The following CMTM8 variants were observed in gnomAD, a reference collection of about 807,000 sequenced individuals.
The protein encoded by CMTM8 is CKLF like MARVEL transmembrane domain containing 8.
Under a neutral mutation model 18.6 loss-of-function variants are expected in CMTM8, and 12 were observed. The ratio of observed to expected loss-of-function variants is 0.65; its 90% CI spans 0.41 to 1.05. CMTM8 has a LOEUF of 1.05. Ranked by LOEUF, CMTM8 falls within the 50% of genes least tolerant of loss-of-function variation. The pLI is 0.00. For synonymous variants in CMTM8, 87 were observed against 90.6 expected (o/e 0.96, Z 0.23); for missense variants, 217 against 227.2 (o/e 0.95, Z 0.29).
In CMTM8 at chr3:32,260,305, A is replaced by G. The variant is rs1040424374; in HGVS notation, c.147+21186A>G. 3.9e-5 allele frequency: 27 copies of G among 696,378 alleles called. No homozygotes were observed. The Admixed American group carries it at 4.6e-4, about 12-fold the overall frequency. 43.1% of individuals were successfully genotyped at this position (696,378 alleles called of 1,614,324 possible). A position where few individuals can be genotyped will look rare whatever the true frequency, so the allele number is the denominator to read the frequency against. On this transcript the variant is annotated intron_variant, in intron 1 of 3. Transcript: ENST00000307526. Reference sequence around the variant, plus strand: ...TCAGAGGTCATTGGAAAAAAAAAGTATTATCTCGCTAACAAAGCTAAATAT... The same window carrying G: ...TCAGAGGTCATTGGAAAAAAAAAGTGTTATCTCGCTAACAAAGCTAAATAT...
chr3:32,351,695 G>A (rs79305721), intron 1 of CMTM8, among the ~76,000 whole-genome samples: 1 of 150,570 alleles, frequency 6.6e-6, no homozygotes. Flanking sequence ...CTGGGCAACA[G>A]AGTGAGACCC....
intron 1 of CMTM8, chr3:32,259,134 G>A: frequency 2.4e-6 from 1 of 414,444 alleles, no homozygotes; most frequent in Non-Finnish European, 4.6e-6. Flanking sequence ...TGGGGTCCGG[G>A]GACCTGGCCG....
chr3:32,324,820 G>T (rs1314271971), intron 1 of CMTM8, among the ~76,000 whole-genome samples: 1 of 152,196 alleles, frequency 6.6e-6, no homozygotes, highest in East Asian at 1.9e-4. Context: ...GGAAAACAAA[G>T]ACCCAAGGAA....
At chr3:32,263,359 G>A (rs1702284848) in intron 1 of CMTM8, among the ~76,000 whole-genome samples, 1 of 152,178 alleles carries the variant, frequency 6.6e-6, no homozygotes, top group Non-Finnish European at 1.5e-5. Flanking sequence ...TGGACCTCCG[G>A]CAAACTCCAA....
At chr3:32,342,376 GTCC>G (rs1486072844) in intron 1 of CMTM8, among the ~76,000 whole-genome samples, 2 of 152,174 alleles carry the variant, frequency 1.3e-5, no homozygotes, top group Admixed American at 6.5e-5. Flanking sequence ...GGGTACATAG[GTCC>G]TCGATAAATA....
chr3:32,248,394 C>T (rs1702070244), intron 1 of CMTM8, among the ~76,000 whole-genome samples: 1 of 152,048 alleles, frequency 6.6e-6, no homozygotes, highest in South Asian at 2.1e-4. Context: ...CACAGTCTCA[C>T]TTTGTTGCCC....
At chr3:32,242,704 A>G (rs1701959369) in intron 1 of CMTM8, among the ~76,000 whole-genome samples, 1 of 152,158 alleles carries the variant, frequency 6.6e-6, no homozygotes, top group Non-Finnish European at 1.5e-5. Context: ...TCTTTTTCCC[A>G]GAGATCTAAA....
At chr3:32,348,643 C>G (rs1696648161) in intron 1 of CMTM8, among the ~76,000 whole-genome samples, 1 of 149,824 alleles carries the variant, frequency 6.7e-6, no homozygotes, top group Admixed American at 6.8e-5. Flanking sequence ...GGACTACAGG[C>G]ACGTGCCATC....
intron 1 of CMTM8, among the ~76,000 whole-genome samples, chr3:32,295,037 A>C: frequency 6.6e-6 from 1 of 152,186 alleles, no homozygotes; most frequent in East Asian, 1.9e-4. Context: ...CCTGGGTGAC[A>C]GAGCAAGACT....
At chr3:32,324,037 G>A (rs184885560) in intron 1 of CMTM8, among the ~76,000 whole-genome samples, 14 of 152,340 alleles carry the variant, frequency 9.2e-5, no homozygotes, top group African/African-American at 3.1e-4. Flanking sequence ...ATCTGTTAAA[G>A]TGAATTTGGG....
intron 1 of CMTM8, among the ~76,000 whole-genome samples, chr3:32,301,135 T>C (rs1695605485): frequency 6.6e-6 from 1 of 152,176 alleles, no homozygotes; most frequent in Non-Finnish European, 1.5e-5. Context: ...GGGGTACTGC[T>C]ATATGCCAGG....
chr3:32,366,430 T>C (rs73827203), intron 2 of CMTM8, among the ~76,000 whole-genome samples: 10,656 of 152,184 alleles, frequency 0.07, 550 homozygotes, highest in African/African-American at 0.15. Context: ...GCCCAGGACG[T>C]CAGGGCAGTT....
Position 32,359,299 on chromosome 3 carries a change from C to T in CMTM8, c.321+1753C>T, listed in dbSNP as rs546419314. Among the ~76,000 whole-genome samples the T allele has an allele frequency of 3.3e-5, 5 of 152,284 alleles. No individual in the cohort carries two copies. In the South Asian group the frequency reaches 8.3e-4, roughly 25 times the overall value. On this transcript the variant is annotated intron_variant, in intron 2 of 3. Coordinates refer to ENST00000307526, the MANE Select transcript of CMTM8 (RefSeq NM_178868.5). Reference sequence around the variant, plus strand: ...TGAGCATGGCTGTGTTCCAGTAAAACTTTATTTACAAAAACTGGTGGTGGC... The same window carrying T: ...TGAGCATGGCTGTGTTCCAGTAAAATTTTATTTACAAAAACTGGTGGTGGC...
chr3:32,265,210 ACTC>A (rs1302465632), intron 1 of CMTM8, among the ~76,000 whole-genome samples: 1 of 152,180 alleles, frequency 6.6e-6, no homozygotes, highest in Non-Finnish European at 1.5e-5. Context: ...GAAGTAAAGC[ACTC>A]CTCAGCAAAT....
At chr3:32,291,266 C>G (rs1702775816) in intron 1 of CMTM8, among the ~76,000 whole-genome samples, 1 of 151,968 alleles carries the variant, frequency 6.6e-6, no homozygotes, top group Non-Finnish European at 1.5e-5. Flanking sequence ...GTAGCTGGGA[C>G]TACAGGTGCC....
intron 1 of CMTM8, among the ~76,000 whole-genome samples, chr3:32,256,566 G>A (rs1702176477): frequency 6.6e-6 from 1 of 152,184 alleles, no homozygotes; most frequent in Non-Finnish European, 1.5e-5. Context: ...ATAAATTGTA[G>A]GTGAAATGGG....
In CMTM8 at chr3:32,262,977, T is replaced by C. The variant is rs555680284; in HGVS notation, c.147+23858T>C. 5.3e-5 allele frequency among the ~76,000 whole-genome samples: 8 copies of C among 151,620 alleles called. No individual in the cohort carries two copies. The East Asian group carries it at 1.5e-3, about 29-fold the overall frequency. On this transcript the variant is annotated intron_variant, in intron 1 of 3. Coordinates refer to ENST00000307526, the MANE Select transcript of CMTM8 (RefSeq NM_178868.5). ...AACTAAAGAAAGCTTAAAAGCTATA[T>C]TAAAAACCACAGAGCAGGGCAGTTC...
intron 1 of CMTM8, among the ~76,000 whole-genome samples, chr3:32,266,265 T>A (rs1244872193): frequency 6.6e-6 from 1 of 152,230 alleles, no homozygotes. Context: ...CATGATCAAG[T>A]GGGCTTCATC....
chr3:32,331,175 C>T (rs549200627), intron 1 of CMTM8, among the ~76,000 whole-genome samples: 2 of 152,166 alleles, frequency 1.3e-5, no homozygotes, highest in South Asian at 4.2e-4. Flanking sequence ...AGACATTTCT[C>T]AGAAAAAGAT....
Sources: gnomAD v4.1 joint callset for allele counts (sites outside exome capture counted in the v4.1 genomes callset) on GRCh38, gnomAD v4.1.1 for gene constraint, MANE v1.5 for transcripts, NCBI Gene and HGNC (gene_info 2026-07-23, HGNC 2026-07-21) for gene names.